GSE1: variants seen among roughly 807,000 people sequenced by gnomAD.
GSE1 encodes genetic suppressor element 1.
A neutral mutation model predicts 112.6 loss-of-function variants in GSE1; 32 were observed. The ratio of observed to expected loss-of-function variants is 0.28; its 90% CI spans 0.21 to 0.38. GSE1 has a LOEUF of 0.38. Ranked by LOEUF, GSE1 falls within the 10% of genes least tolerant of loss-of-function variation. The probability of loss-of-function intolerance (pLI) is 1.00; values close to 1 mark genes in which losing one functional copy is unlikely to be tolerated. For missense variants in GSE1, 2,348 were observed against 1,699.2 expected (o/e 1.38, Z -6.71); for synonymous variants, 1,115 against 735.6 (o/e 1.52, Z -8.35).
chr16:85,586,925 C>T (rs779606223), intron 1 of GSE1, among the ~76,000 whole-genome samples: 4 of 152,212 alleles, frequency 2.6e-5, no homozygotes, highest in East Asian at 3.8e-4. Context: ...AGTAAGTGCC[C>T]GCAGCTGCCA....
chr16:85,496,984 T>C lies in GSE1; in HGVS notation c.2465-136930T>C, dbSNP rs112723185. On this transcript the variant is annotated intron_variant, in intron 2 of 2. Transcript: ENST00000637419. Reference sequence around the variant, plus strand: ...CTCTATCTCGGCTCATTGCAACCTCTGCCTCCCAGGTTCAAGCGATTCTCC... The same window carrying C: ...CTCTATCTCGGCTCATTGCAACCTCCGCCTCCCAGGTTCAAGCGATTCTCC... Among the ~76,000 whole-genome samples the C allele has an allele frequency of 2.0e-5, 3 of 151,946 alleles. No individual in the cohort carries two copies. The East Asian group carries it at 5.8e-4, about 29-fold the overall frequency.
chr16:85,446,346 C>T (rs1299011595), intron 2 of GSE1, among the ~76,000 whole-genome samples: 4 of 152,194 alleles, frequency 2.6e-5, no homozygotes, highest in African/African-American at 7.2e-5. Flanking sequence ...CTCTCTGCCT[C>T]GGTTTCCCCT....
intron 1 of GSE1, among the ~76,000 whole-genome samples, chr16:85,317,394 C>T (rs1383100893): frequency 1.3e-5 from 2 of 152,162 alleles, no homozygotes; most frequent in Admixed American, 6.5e-5. Flanking sequence ...CCAGCTCCAG[C>T]GGTGCTGCAG....
chr16:85,561,007 C>G (rs1202517104), intron 1 of GSE1, among the ~76,000 whole-genome samples: 1 of 151,982 alleles, frequency 6.6e-6, no homozygotes, highest in African/African-American at 2.4e-5. Flanking sequence ...TGGTGCCTGC[C>G]TGTAGACCCA....
chr16:85,557,032 G>T (rs1475185424), intron 1 of GSE1, among the ~76,000 whole-genome samples: 1 of 152,190 alleles, frequency 6.6e-6, no homozygotes, highest in African/African-American at 2.4e-5. Context: ...TGGAGGGGAG[G>T]GGAGGGGAGG....
chr16:85,510,295 G>C (rs923564152), intron 2 of GSE1, among the ~76,000 whole-genome samples: 5 of 152,234 alleles, frequency 3.3e-5, no homozygotes, highest in African/African-American at 1.2e-4. Context: ...GTGAGGCCCA[G>C]CACGAAAGAC....
At chr16:85,604,055 A>C (rs1466582455) in intron 1 of GSE1, among the ~76,000 whole-genome samples, 1 of 152,152 alleles carries the variant, frequency 6.6e-6, no homozygotes. Context: ...CAGGAAATTT[A>C]CAATCATGAG....
At chr16:85,595,248 TCA>T (rs1441075354) in intron 1 of GSE1, 1 of 152,382 alleles carries the variant, frequency 6.6e-6, no homozygotes, top group Non-Finnish European at 1.5e-5. Flanking sequence ...TGCCCAGGCC[TCA>T]CACGCTGCCC....
At chr16:85,649,814 C>G (rs1166921813) in intron 3 of GSE1, among the ~76,000 whole-genome samples, 1 of 152,160 alleles carries the variant, frequency 6.6e-6, no homozygotes, top group African/African-American at 2.4e-5. Flanking sequence ...CTGAAGCTCC[C>G]TCTCCCCCAG....
intron 2 of GSE1, among the ~76,000 whole-genome samples, chr16:85,441,210 C>T (rs138486330): frequency 2.0e-3 from 303 of 152,286 alleles, no homozygotes; most frequent in African/African-American, 7.1e-3. Context: ...GATTGTAGGA[C>T]GTTTAGCACC....
chr16:85,225,567 G>A lies in GSE1; in HGVS notation c.2283+53760G>A, dbSNP rs190135671. 1.7e-3 allele frequency among the ~76,000 whole-genome samples: 259 copies of A among 152,296 alleles called. 2 individuals carry two copies. The highest frequency in any genetic ancestry group is 2.8e-3 in the Non-Finnish European group (191 of 68,026). On this transcript the variant is annotated intron_variant, in intron 1 of 2. Transcript: ENST00000637419. ...GCATGAACCCTGTCCCTCCGCTGCC[G>A]GGTAGAGAGCTGCTGCAGGGGCTGG...
Position 85,312,125 on chromosome 16 carries a change from C to T in GSE1, c.2284-45338C>T, listed in dbSNP as rs149917914. On this transcript the variant is annotated intron_variant, in intron 1 of 2. Coordinates refer to the GSE1 transcript ENST00000637419. ...GCTCAGACTCTCCTGCTGGCCCCCT[C>T]GCCCACCGCTTCCATCCCCTCCCGT... Among the ~76,000 whole-genome samples, 10 of 152,060 alleles carry T rather than the reference C, an allele frequency of 6.6e-5. No homozygotes were observed. In the East Asian group the frequency reaches 1.4e-3, roughly 21 times the overall value.
rs1444872184 is a variant in GSE1, at chr16:85,675,013, A to AC, written c.*2477dup. The stretch of plus-strand genomic sequence containing the variant: ...ACTGTCTCAAAAACGAAAGCACACC[A>AC]CCCAAGACACAGTACCCAGTCATGG... On this transcript the variant is annotated 3_prime_UTR_variant, in exon 16 of 16. Coordinates refer to ENST00000253458, the MANE Select transcript of GSE1 (RefSeq NM_014615.5). 6.6e-6 allele frequency: 1 copy of AC among 152,496 alleles called. No homozygotes were observed. Among genetic ancestry groups the AC allele is most frequent in the Non-Finnish European group, 1.5e-5 (1 of 68,036 alleles). The allele number at this position is 152,496 out of a possible 1,614,324, so 9.4% of individuals were successfully genotyped here. A position where few individuals can be genotyped will look rare whatever the true frequency, so the allele number is the denominator to read the frequency against.
At chr16:85,217,591 G>T (rs1280913835) in intron 1 of GSE1, among the ~76,000 whole-genome samples, 1 of 152,232 alleles carries the variant, frequency 6.6e-6, no homozygotes. Context: ...AATGGGGGAT[G>T]ATGCCCTTGC....
At chr16:85,649,622 T>TG (rs1271914047) in intron 3 of GSE1, among the ~76,000 whole-genome samples, 2 of 147,726 alleles carry the variant, frequency 1.4e-5, no homozygotes, top group Non-Finnish European at 3.1e-5. Flanking sequence ...GGTGGGTACC[T>TG]GCAGCTCTCC....
chr16:85,355,587 T>G (rs1435857760), intron 1 of GSE1, among the ~76,000 whole-genome samples: 1 of 152,126 alleles, frequency 6.6e-6, no homozygotes, highest in African/African-American at 2.4e-5. Flanking sequence ...GGGACAGAGT[T>G]GCTGTGTGGG....
intron 2 of GSE1, among the ~76,000 whole-genome samples, chr16:85,363,402 C>G (rs1011234832): frequency 3.3e-5 from 5 of 152,236 alleles, no homozygotes; most frequent in African/African-American, 9.6e-5. Context: ...CTCAGCAGTG[C>G]TTGCTCCAGG....
At chr16:85,256,363 G>C (rs959316944) in intron 1 of GSE1, among the ~76,000 whole-genome samples, 2 of 152,250 alleles carry the variant, frequency 1.3e-5, no homozygotes, top group African/African-American at 4.8e-5. Context: ...AATGACAACA[G>C]TCAGCACTTA....
intron 2 of GSE1, among the ~76,000 whole-genome samples, chr16:85,362,725 T>C (rs946917962): frequency 1.3e-5 from 2 of 152,186 alleles, no homozygotes; most frequent in Non-Finnish European, 2.9e-5. Flanking sequence ...TGCATGGCCA[T>C]TGGGGCTGCC....
Sources: gnomAD v4.1 joint callset for allele counts (sites outside exome capture counted in the v4.1 genomes callset) on GRCh38, gnomAD v4.1.1 for gene constraint, MANE v1.5 for transcripts, NCBI Gene and HGNC (gene_info 2026-07-23, HGNC 2026-07-21) for gene names.